COA8: variants seen among roughly 807,000 people sequenced by gnomAD.
The protein encoded by COA8 is UPF0671 protein C14orf153.
COA8 carries 20 observed loss-of-function variants against 22.0 expected under a neutral mutation model. The ratio of observed to expected loss-of-function variants is 0.91; its 90% CI spans 0.64 to 1.32. COA8 has a LOEUF of 1.32. Among genes scored for constraint, COA8 ranks in the 40% most tolerant of loss-of-function variants. The pLI is 0.00. For synonymous variants in COA8, 105 were observed against 79.9 expected, an observed-to-expected ratio of 1.31 and a Z score of -1.68; for missense variants, 266 against 230.0, an observed-to-expected ratio of 1.16 and a Z score of -1.01.
At chr14:103,572,983 C>T (rs939763545) in intron 2 of COA8, among the ~76,000 whole-genome samples, 2 of 151,498 alleles carry the variant, frequency 1.3e-5, no homozygotes, top group Non-Finnish European at 2.9e-5. Flanking sequence ...GGATTTCACT[C>T]TGTTGGCCAG....
In COA8 at chr14:103,590,187, G is replaced by C; in HGVS notation, c.483G>C (p.Trp161Cys). 2.5e-6 allele frequency: 4 copies of C among 1,613,980 alleles called. No homozygotes were observed. The highest frequency in any genetic ancestry group is 3.4e-6 in the Non-Finnish European group (4 of 1,179,908). ...FQKHMYYNRD[W>C]YKRNFAITFF... is the part of the protein sequence containing the mutation. ...ATCCTCTGTTTCTCTACAGAGATTG[G>C]TACAAGCGCAATTTTGCCATCACCT... The change falls in exon 5 of 5, where the codon TGG (tryptophan) becomes TGC (cysteine). Residue 161 changes from tryptophan to cysteine, a missense_variant. Physicochemically the swap from Trp to Cys is radical, Grantham distance 215 (BLOSUM62 -2). Transcript: ENST00000409074.
At chr14:103,587,791 G>A (rs1004326581) in intron 4 of COA8, among the ~76,000 whole-genome samples, 1 of 151,840 alleles carries the variant, frequency 6.6e-6, no homozygotes, top group Non-Finnish European at 1.5e-5. Flanking sequence ...ACAGGCATGA[G>A]CCACTGCGCC....
Position 103,571,660 on chromosome 14 carries a change from A to G in COA8, c.161A>G (p.Asp54Gly). 6.2e-7 allele frequency: 1 copy of G among 1,614,228 alleles called. No homozygotes were observed. The highest frequency in any genetic ancestry group is 8.5e-7 in the Non-Finnish European group (1 of 1,180,038). Residue 54 changes from aspartate (D) to glycine (G), a missense_variant, in exon 2 of 5, where the codon GAT becomes GGT. Asp to Gly is a moderately conservative substitution (Grantham distance 94). Coordinates refer to ENST00000409074, the MANE Select transcript of COA8 (RefSeq NM_001370595.2). ...RFCPPRKSCH[D>G]WIGPPDKYSN... ...TGCCCTCCAAGAAAGTCTTGCCATGATTGGATAGGACCCCCAGATAAATAT... is the reference window on the plus strand; with the variant it reads ...TGCCCTCCAAGAAAGTCTTGCCATGGTTGGATAGGACCCCCAGATAAATAT...
At chr14:103,578,024 C>CA (rs780479034) in intron 3 of COA8, among the ~76,000 whole-genome samples, 1,324 of 48,332 alleles carry the variant, frequency 0.027, 25 homozygotes, top group Admixed American at 0.061. Context: ...AACTCCATCT[C>CA]AAAAAAAAAA....
chr14:103,581,669 G>A lies in COA8; in HGVS notation c.386-5605G>A, dbSNP rs922236592. ...TCTCCCTTACACAGTTGAGTAAACCGAGGCACAGAAGAAAATGAAGTAGCC... is the reference window on the plus strand; with the variant it reads ...TCTCCCTTACACAGTTGAGTAAACCAAGGCACAGAAGAAAATGAAGTAGCC... On this transcript the variant is annotated intron_variant, in intron 3 of 4. Coordinates refer to ENST00000409074, the MANE Select transcript of COA8 (RefSeq NM_001370595.2). This position sits in a 1 kb window ranked among gnomAD's most constrained non-coding sequence, Gnocchi z 4.1. 2.3e-5 allele frequency: 9 copies of A among 398,572 alleles called. No individual in the cohort carries two copies. Among genetic ancestry groups the A allele is most frequent in the South Asian group, 1.3e-4 (1 of 7,846 alleles). The allele number at this position is 398,572 out of a possible 1,614,324, so 24.7% of individuals were successfully genotyped here. A position where few individuals can be genotyped will look rare whatever the true frequency, so the allele number is the denominator to read the frequency against.
At chr14:103,582,904 G>GTCTCAATTC (rs1477392297) in intron 3 of COA8, among the ~76,000 whole-genome samples, 7 of 152,092 alleles carry the variant, frequency 4.6e-5, no homozygotes, top group African/African-American at 1.4e-4. Flanking sequence ...CCATTAGCCA[G>GTCTCAATTC]TCTCAATTCC....
chr14:103,588,474 T>TA (rs370081517), intron 4 of COA8, among the ~76,000 whole-genome samples: 1,727 of 139,322 alleles, frequency 0.012, 25 homozygotes, highest in African/African-American at 0.03. Context: ...AGTAAGTAAT[T>TA]AAAAAAATAT....
chr14:103,565,849 A>G (rs886431706), intron 1 of COA8, among the ~76,000 whole-genome samples: 3 of 151,708 alleles, frequency 2.0e-5, no homozygotes, highest in Admixed American at 6.6e-5. Context: ...TCCTGACCTC[A>G]GGTGATCTGC....
At chr14:103,574,263 A>G (rs1286395105) in intron 3 of COA8, 93 bp downstream of exon 3, 14 of 1,562,004 alleles carry the variant, frequency 9.0e-6, no homozygotes, top group Non-Finnish European at 1.2e-5. Flanking sequence ...GAGGTGGGGA[A>G]GTTCAGGGCG....
Position 103,587,129 on chromosome 14 carries a change from G to C in COA8, c.386-145G>C, listed in dbSNP as rs965606432. The C allele has an allele frequency of 5.6e-6, 3 of 538,076 alleles. No individual in the cohort carries two copies. The East Asian group carries it at 8.6e-5, about 15-fold the overall frequency. 33.3% of individuals were successfully genotyped at this position (538,076 alleles called of 1,614,324 possible). On this transcript the variant is annotated intron_variant, in intron 3 of 4. Transcript: ENST00000409074. The stretch of plus-strand genomic sequence containing the variant: ...TTGATTTCATTTCAGACTGTTCATT[G>C]CTAGTGTATAGAAATACAATTGATG...
At chr14:103,578,100 G>A (rs1307228278) in intron 3 of COA8, among the ~76,000 whole-genome samples, 4 of 151,772 alleles carry the variant, frequency 2.6e-5, no homozygotes, top group Non-Finnish European at 4.4e-5. Context: ...AGGCTGAGGT[G>A]GGAGGATCAC....
chr14:103,570,851 A>G (rs1309371830), intron 1 of COA8, among the ~76,000 whole-genome samples: 1 of 152,166 alleles, frequency 6.6e-6, no homozygotes, highest in Non-Finnish European at 1.5e-5. Flanking sequence ...GTTTGGAGGA[A>G]GGGGTGGAGG....
chr14:103,564,320 GGCTA>G (rs1242895130), intron 1 of COA8, among the ~76,000 whole-genome samples: 2 of 152,092 alleles, frequency 1.3e-5, no homozygotes, highest in Non-Finnish European at 2.9e-5. Flanking sequence ...ACACCCAAGT[GGCTA>G]GCTCAGTTCT....
At chr14:103,568,716 G>A (rs944007069) in intron 1 of COA8, among the ~76,000 whole-genome samples, 10 of 151,232 alleles carry the variant, frequency 6.6e-5, no homozygotes, top group Admixed American at 1.3e-4. Context: ...TGCAACCTCC[G>A]CCTCCCAGGT....
At chr14:103,587,524 T>C (rs2076317735) in intron 4 of COA8, among the ~76,000 whole-genome samples, 160 bp downstream of exon 4, 1 of 150,286 alleles carries the variant, frequency 6.7e-6, no homozygotes, top group Non-Finnish European at 1.5e-5. Flanking sequence ...TTTTTTTTTT[T>C]TGAGACGGAG....
chr14:103,571,881 A>C, intron 2 of COA8, 61 bp downstream of exon 2: 1 of 1,446,788 alleles, frequency 6.9e-7, no homozygotes, highest in East Asian at 2.3e-5. Context: ...TAATCCCAGC[A>C]CTTCGGGATG....
intron 3 of COA8, among the ~76,000 whole-genome samples, chr14:103,577,027 GACT>G (rs2076234908): frequency 1.3e-5 from 2 of 152,176 alleles, no homozygotes; most frequent in Non-Finnish European, 2.9e-5. Context: ...CAAATAACGT[GACT>G]ACAAGAAGAA....
chr14:103,590,473 C>T lies in COA8; in HGVS notation c.*187C>T. 1 of 561,110 alleles carries T rather than the reference C, an allele frequency of 1.8e-6. No homozygotes were observed. Among genetic ancestry groups the T allele is most frequent in the South Asian group, 2.2e-5 (1 of 45,114 alleles). The allele number at this position is 561,110 out of a possible 1,614,324, so 34.8% of individuals were successfully genotyped here. On this transcript the variant is annotated 3_prime_UTR_variant, in exon 5 of 5. Coordinates refer to ENST00000409074, the MANE Select transcript of COA8 (RefSeq NM_001370595.2). ...TGGGCCGCCTGCCTGCTGATGTGGG[C>T]TCTAGGCCAGCTTGTTGTCACGTAC... is the stretch of plus-strand genomic sequence containing the variant.
rs2274266 is a variant in COA8 at position 103,563,130 on chromosome 14, C to G, written c.123+6C>G. The G allele has an allele frequency of 3.9e-6, 6 of 1,539,884 alleles. 1 individual carries two copies. The South Asian group carries it at 4.7e-5, about 12-fold the overall frequency. The stretch of plus-strand genomic sequence containing the variant: ...GGGATACGGCGCCCAGCGGGGTAAG[C>G]AGGGGCCTGGGGACATTGGGCCGGG... On this transcript the variant is annotated splice_donor_region_variant and intron_variant, in intron 1 of 4. Coordinates refer to ENST00000409074, the MANE Select transcript of COA8 (RefSeq NM_001370595.2).
Sources: allele counts gnomAD v4.1 joint callset (sites outside exome capture counted in the v4.1 genomes callset), GRCh38; gene constraint gnomAD v4.1.1; non-coding constraint Gnocchi (gnomAD v3.1); transcripts MANE v1.5; gene names NCBI Gene and HGNC (gene_info 2026-07-23, HGNC 2026-07-21).